Variants in HECW1 observed in about 807,000 individuals in gnomAD.
HECW1 encodes E3 ubiquitin-protein ligase HECW1.
HECW1 carries 61 observed loss-of-function variants against 182.3 expected under a neutral mutation model. The ratio of observed to expected loss-of-function variants is 0.33; its 90% CI spans 0.27 to 0.41. The LOEUF (loss-of-function observed/expected upper bound fraction) is 0.41. Ranked by LOEUF, HECW1 falls within the 10% of genes least tolerant of loss-of-function variation. The pLI is 1.00. For missense variants in HECW1, 1,739 were observed against 2,108.9 expected (o/e 0.82, Z 3.44); for synonymous variants, 859 against 832.6 (o/e 1.03, Z -0.55).
intron 3 of HECW1, among the ~76,000 whole-genome samples, chr7:43,283,456 G>T (rs931173708): frequency 2.6e-5 from 4 of 152,188 alleles, no homozygotes; most frequent in African/African-American, 7.2e-5. Flanking sequence ...TTTGGAAAAT[G>T]TATTTATTTT....
intron 24 of HECW1, among the ~76,000 whole-genome samples, chr7:43,523,359 G>T (rs1299587193): frequency 6.6e-6 from 1 of 152,206 alleles, no homozygotes; most frequent in Non-Finnish European, 1.5e-5. Context: ...GCTCTTTCTA[G>T]GAGCTTGGCT....
At chr7:43,496,343 C>T (rs2152921574) in intron 19 of HECW1, among the ~76,000 whole-genome samples, 1 of 152,030 alleles carries the variant, frequency 6.6e-6, no homozygotes, top group African/African-American at 2.4e-5. Flanking sequence ...ACTGTGGACC[C>T]AGGTTGAGAA....
chr7:43,264,612 A>G (rs111371091), intron 3 of HECW1, among the ~76,000 whole-genome samples: 117 of 152,168 alleles, frequency 7.7e-4, no homozygotes, highest in Middle Eastern at 3.4e-3. Context: ...TTGGGAGGCC[A>G]AGGCGGGCAG....
At chr7:43,482,362 CTGCATT>C (rs1477405040) in intron 17 of HECW1, among the ~76,000 whole-genome samples, 4 of 152,304 alleles carry the variant, frequency 2.6e-5, no homozygotes, top group African/African-American at 7.2e-5. Context: ...GAAATGTTGA[CTGCATT>C]TGCTGTGATG....
intron 6 of HECW1, among the ~76,000 whole-genome samples, chr7:43,372,874 G>C (rs1249753978): frequency 6.6e-6 from 1 of 152,072 alleles, no homozygotes; most frequent in Admixed American, 6.5e-5. Context: ...TCCTTTTCCA[G>C]AGCAGGGGTC....
At chr7:43,278,976 A>T (rs983223529) in intron 3 of HECW1, among the ~76,000 whole-genome samples, 1 of 152,212 alleles carries the variant, frequency 6.6e-6, no homozygotes, top group African/African-American at 2.4e-5. Context: ...TTGCTGCTGT[A>T]TCTGGAGTGC....
At chr7:43,296,465 A>G (rs1359814330) in intron 3 of HECW1, among the ~76,000 whole-genome samples, 1 of 152,130 alleles carries the variant, frequency 6.6e-6, no homozygotes, top group African/African-American at 2.4e-5. Context: ...CCCCTGGTTC[A>G]TGACAAGACA....
chr7:43,276,040 A>G (rs111836436), intron 3 of HECW1, among the ~76,000 whole-genome samples: 9 of 152,336 alleles, frequency 5.9e-5, no homozygotes, highest in East Asian at 3.8e-4. Context: ...TAAAGAATCA[A>G]TTGTGCAGAA....
intron 27 of HECW1, 117 bp downstream of exon 27, chr7:43,550,708 G>C: frequency 9.8e-7 from 1 of 1,022,076 alleles, no homozygotes; most frequent in Non-Finnish European, 1.4e-6. Context: ...GAGAGGGAGA[G>C]CCAAGGTGGG....
chr7:43,288,342 T>C (rs1804933965), intron 3 of HECW1, among the ~76,000 whole-genome samples: 1 of 152,192 alleles, frequency 6.6e-6, no homozygotes, highest in Non-Finnish European at 1.5e-5. Flanking sequence ...TGGCCATGTG[T>C]ATTTGAAAAA....
intron 5 of HECW1, among the ~76,000 whole-genome samples, chr7:43,345,426 T>A (rs1258795571): frequency 1.3e-5 from 2 of 152,146 alleles, no homozygotes; most frequent in African/African-American, 4.8e-5. Flanking sequence ...TTATTTTTAT[T>A]TTTATTATTT....
chr7:43,261,917 G>C (rs774326931), intron 3 of HECW1, among the ~76,000 whole-genome samples: 1 of 150,820 alleles, frequency 6.6e-6, no homozygotes, highest in Non-Finnish European at 1.5e-5. Flanking sequence ...AACCAAATTA[G>C]TCAGTAAAAA....
rs1399840278 is a variant in HECW1 at position 43,372,091 on chromosome 7, G to A, written c.555+11111G>A. ...CCCGTCTCAGCCTCCCAAAGTGCTG[G>A]GATTACAGGTGTGAGCCACCAAGCC... On this transcript the variant is annotated intron_variant, in intron 6 of 29. Coordinates refer to ENST00000395891, the MANE Select transcript of HECW1 (RefSeq NM_015052.5). 2.0e-5 allele frequency among the ~76,000 whole-genome samples: 3 copies of A among 152,032 alleles called. No homozygotes were observed. The East Asian group carries it at 5.8e-4, about 29-fold the overall frequency.
intron 3 of HECW1, chr7:43,274,657 G>C (rs1273294129): frequency 3.1e-6 from 1 of 319,500 alleles, no homozygotes; most frequent in Non-Finnish European, 6.1e-6. Flanking sequence ...GAGAGAGAGA[G>C]AGAGAGCGAG....
intron 2 of HECW1, among the ~76,000 whole-genome samples, chr7:43,220,281 T>A (rs554772758): frequency 2.6e-4 from 39 of 152,348 alleles, no homozygotes; most frequent in African/African-American, 9.4e-4. Flanking sequence ...ATGCAACGCT[T>A]CCTGTGTCCT....
chr7:43,183,122 G>A (rs1453429504), intron 2 of HECW1, among the ~76,000 whole-genome samples: 1 of 152,146 alleles, frequency 6.6e-6, no homozygotes, highest in Non-Finnish European at 1.5e-5. Flanking sequence ...GTACAGAGTT[G>A]TGGGGAAAAA....
chr7:43,315,850 T>C (rs1809175614), intron 4 of HECW1, among the ~76,000 whole-genome samples: 2 of 152,048 alleles, frequency 1.3e-5, no homozygotes, highest in South Asian at 4.2e-4. Context: ...TCCTGGGAGA[T>C]TTTTTCCCAA....
At chr7:43,359,381 G>A (rs866312870) in intron 5 of HECW1, among the ~76,000 whole-genome samples, 3 of 152,116 alleles carry the variant, frequency 2.0e-5, no homozygotes, top group Admixed American at 6.5e-5. Context: ...GGTATCTAGC[G>A]ATTTTTGCTC....
intron 12 of HECW1, among the ~76,000 whole-genome samples, chr7:43,453,153 A>G (rs77622572): frequency 6.6e-6 from 1 of 152,180 alleles, no homozygotes; most frequent in Admixed American, 6.5e-5. Context: ...AGTTTGCCCA[A>G]GTTGCTGTGT....
Sources: gnomAD v4.1 joint callset for allele counts (sites outside exome capture counted in the v4.1 genomes callset) on GRCh38, gnomAD v4.1.1 for gene constraint, MANE v1.5 for transcripts, NCBI Gene and HGNC (gene_info 2026-07-23, HGNC 2026-07-21) for gene names.